The following POM121C variants were observed in gnomAD, a reference collection of about 807,000 sequenced individuals.
POM121C encodes POM121 transmembrane nucleoporin C, also known as nuclear envelope pore membrane protein POM 121C.
In POM121C, 20 loss-of-function variants were observed where a neutral mutation model predicts 66.4. The observed-to-expected ratio is 0.30, with a 90% confidence interval of 0.21 to 0.44. The LOEUF (loss-of-function observed/expected upper bound fraction) is 0.44. Among genes scored for constraint, POM121C ranks in the 20% least tolerant of loss-of-function variants. The pLI is 1.00. For synonymous variants in POM121C, 286 were observed against 528.0 expected (o/e 0.54, Z 6.28); for missense variants, 580 against 1,225.7 (o/e 0.47, Z 7.87).
chr7:75,422,089 G>A lies in POM121C; in HGVS notation c.2163C>T (p.Ala721=), dbSNP rs782405579. The A allele has an allele frequency of 5.7e-5, 92 of 1,607,214 alleles. No homozygotes were observed. The East Asian group carries it at 2.0e-3, about 35-fold the overall frequency. The change falls in exon 13 of 15, where the codon GCC becomes GCT. Residue 721 remains alanine, a synonymous_variant. Transcript: ENST00000615331. ...AAGAGCTGCCAAAGCTGGGGGTAAGGGCTGGCTTGGCGGCCCCCGGTGGCT... is the reference window on the plus strand; with the variant it reads ...AAGAGCTGCCAAAGCTGGGGGTAAGAGCTGGCTTGGCGGCCCCCGGTGGCT... ...EGQPPGAAKP[A]LTPSFGSSFT...
chr7:75,427,713 C>G (rs1484714707), intron 7 of POM121C, among the ~76,000 whole-genome samples: 3 of 152,142 alleles, frequency 2.0e-5, no homozygotes, highest in Admixed American at 2.0e-4. Context: ...GTCTTTCCTA[C>G]TTGAAAAGCT....
chr7:75,473,766 G>T (rs1216875150), intron 3 of POM121C, among the ~76,000 whole-genome samples: 3 of 151,032 alleles, frequency 2.0e-5, no homozygotes, highest in African/African-American at 7.3e-5. Flanking sequence ...TCGGCTCACT[G>T]CAAGCTCCGC....
At chr7:75,482,415 C>T (rs1185415809) in intron 1 of POM121C, among the ~76,000 whole-genome samples, 4 of 152,088 alleles carry the variant, frequency 2.6e-5, no homozygotes, top group South Asian at 2.1e-4. Flanking sequence ...ATTTCTAGGC[C>T]GGGAGCAGTG....
rs587657909 is a variant in POM121C at position 75,421,158 on chromosome 7, TAG to T, written c.2743+349_2743+350del. ...CCGGCTAATTTTTTGGTATTTTTAG[TAG>T]AGACAGGGTTTCGCCAAGTTGCCCA... is the stretch of plus-strand genomic sequence containing the variant. On this transcript the variant is annotated intron_variant, in intron 13 of 14. Transcript: ENST00000615331. 5.8e-4 allele frequency: 240 copies of T among 417,038 alleles called. 2 individuals are homozygous for T. Among genetic ancestry groups the T allele is most frequent in the African/African-American group, 4.7e-3 (225 of 48,288 alleles). 25.8% of individuals were successfully genotyped at this position (417,038 alleles called of 1,614,324 possible).
At chr7:75,419,653 G>A in intron 13 of POM121C, 3 of 594,648 alleles carry the variant, frequency 5.0e-6, no homozygotes, top group Middle Eastern at 4.5e-4. Context: ...CCCGCTAATG[G>A]CCACGCCAGG....
At position 75,422,867 on chromosome 7, in the gene POM121C, A is replaced by G. The variant is rs782040564; in HGVS notation, c.1385T>C (p.Met462Thr). The G allele has an allele frequency of 1.9e-6, 3 of 1,562,806 alleles. No homozygotes were observed. The highest frequency in any genetic ancestry group is 2.6e-6 in the Non-Finnish European group (3 of 1,153,724). The change falls in exon 13 of 15, where the codon ATG (methionine) becomes ACG (threonine). Residue 462 changes from methionine (M) to threonine (T), a missense_variant. Coordinates refer to ENST00000615331, the MANE Select transcript of POM121C (RefSeq NM_001099415.3). Reference protein sequence around the residue: ...AAPAASSASPMFKPIFTAPPK... With the variant: ...AAPAASSASPTFKPIFTAPPK... ...TGGAGCCGTGAAAATGGGCTTGAACATGGGAGATGCTGAAGATGCAGCAGG... is the reference window on the plus strand; with the variant it reads ...TGGAGCCGTGAAAATGGGCTTGAACGTGGGAGATGCTGAAGATGCAGCAGG...
chr7:75,440,422 G>C (rs1439293286), intron 5 of POM121C, among the ~76,000 whole-genome samples: 1 of 151,676 alleles, frequency 6.6e-6, no homozygotes, highest in Non-Finnish European at 1.5e-5. Context: ...AAAAAAATTA[G>C]CTGGGCATGG....
intron 3 of POM121C, among the ~76,000 whole-genome samples, chr7:75,472,374 G>C (rs587732788): frequency 1.3e-5 from 2 of 151,858 alleles, no homozygotes; most frequent in South Asian, 4.2e-4. Context: ...TAGGCCGGGC[G>C]TGATGGTGCA....
Position 75,441,148 on chromosome 7 carries a change from T to C in POM121C, c.66-33A>G, listed in dbSNP as rs782124417. On this transcript the variant is annotated intron_variant, in intron 4 of 14. Coordinates refer to ENST00000615331, the MANE Select transcript of POM121C (RefSeq NM_001099415.3). ...GAAAGACAAGATTCTAGCCGTAAGA[T>C]ATTTTAATTCCCATGCCACATCAGA... 4 of 1,608,616 alleles carry C rather than the reference T, an allele frequency of 2.5e-6. No individual in the cohort carries two copies. In the East Asian group the frequency reaches 8.9e-5, roughly 36 times the overall value.
intron 7 of POM121C, 91 bp downstream of exon 7, chr7:75,437,424 G>A (rs1790459089): frequency 6.7e-7 from 1 of 1,490,916 alleles, no homozygotes; most frequent in Admixed American, 2.2e-5. Flanking sequence ...AAAGTGCTGG[G>A]ATTACATGGC....
At chr7:75,433,449 G>A (rs1363617021) in intron 7 of POM121C, among the ~76,000 whole-genome samples, 5 of 151,790 alleles carry the variant, frequency 3.3e-5, no homozygotes, top group Non-Finnish European at 5.9e-5. Context: ...TCCGCCTCCC[G>A]GGTTCACGCC....
In POM121C at chr7:75,419,566, G is replaced by A. The variant is rs1280341704; in HGVS notation, c.2744-124C>T. 6 of 1,159,498 alleles carry A rather than the reference G, an allele frequency of 5.2e-6. No homozygotes were observed. In the South Asian group the frequency reaches 9.9e-5, roughly 19 times the overall value. 71.8% of individuals were successfully genotyped at this position (1,159,498 alleles called of 1,614,324 possible). A position where few individuals can be genotyped will look rare whatever the true frequency, so the allele number is the denominator to read the frequency against. ...ACCCTCAGCCCCACTTCTGCTTCTG[G>A]GGCACTCCTCCATCAGCAGCTGAGC... On this transcript the variant is annotated intron_variant, in intron 13 of 14. Coordinates refer to ENST00000615331, the MANE Select transcript of POM121C (RefSeq NM_001099415.3).
chr7:75,424,583 C>T lies in POM121C; in HGVS notation c.814G>A (p.Asp272Asn). Reference protein sequence around the residue: ...LGYSITAEDLDLEKKASLQWF... With the variant: ...LGYSITAEDLNLEKKASLQWF... ...TGTAATGAAGCCTTCTTCTCTAAGT[C>T]TAGGTCCTCGGCAGTGATCGAATAG... is the stretch of plus-strand genomic sequence containing the variant. Residue 272 changes from aspartate (D) to asparagine (N), a missense_variant, in exon 11 of 15, where the codon GAC becomes AAC. Physicochemically the swap from Asp to Asn is conservative, Grantham distance 23. Coordinates refer to ENST00000615331, the MANE Select transcript of POM121C (RefSeq NM_001099415.3). 5 of 1,614,032 alleles carry T rather than the reference C, an allele frequency of 3.1e-6. No homozygotes were observed. Among genetic ancestry groups the T allele is most frequent in the Non-Finnish European group, 4.2e-6 (5 of 1,179,874 alleles).
chr7:75,448,511 A>AC (rs1352268927), intron 3 of POM121C, among the ~76,000 whole-genome samples: 4 of 137,856 alleles, frequency 2.9e-5, no homozygotes, highest in African/African-American at 1.1e-4. Context: ...AGAAAAAAAA[A>AC]AAAAAAAAGG....
chr7:75,478,742 C>A, intron 1 of POM121C, among the ~76,000 whole-genome samples: 2 of 107,360 alleles, frequency 1.9e-5, no homozygotes, highest in African/African-American at 3.8e-5. Context: ...GAATTAAAAG[C>A]AAATAAAGAG....
At chr7:75,441,282 A>T in intron 4 of POM121C, 150 bp downstream of exon 4, 6 of 1,316,036 alleles carry the variant, frequency 4.6e-6, no homozygotes, top group Non-Finnish European at 6.2e-6. Context: ...AGTGAAAAAC[A>T]AACGGTTTTA....
chr7:75,482,546 G>C (rs587735826), intron 1 of POM121C, among the ~76,000 whole-genome samples: 6 of 152,220 alleles, frequency 3.9e-5, no homozygotes, highest in South Asian at 4.2e-4. Context: ...AAAAATTAGC[G>C]AGGTGTGGCA....
At chr7:75,443,420 T>C (rs1256218802) in intron 3 of POM121C, among the ~76,000 whole-genome samples, 2 of 152,246 alleles carry the variant, frequency 1.3e-5, no homozygotes, top group African/African-American at 4.8e-5. Flanking sequence ...GGTTTGTGAA[T>C]TATATCTTAA....
chr7:75,434,838 G>A (rs1269728776), intron 7 of POM121C, among the ~76,000 whole-genome samples: 1 of 152,034 alleles, frequency 6.6e-6, no homozygotes, highest in Non-Finnish European at 1.5e-5. Context: ...GACTCTCAAA[G>A]TGCTGGGATT....
Sources: gnomAD v4.1 joint callset for allele counts (sites outside exome capture counted in the v4.1 genomes callset) on GRCh38, gnomAD v4.1.1 for gene constraint, MANE v1.5 for transcripts, NCBI Gene and HGNC (gene_info 2026-07-23, HGNC 2026-07-21) for gene names.